Variants in ACADL observed in about 807,000 individuals in gnomAD.
ACADL encodes acyl-CoA dehydrogenase long chain, also known as long-chain specific acyl-CoA dehydrogenase, mitochondrial.
ACADL carries 60 observed loss-of-function variants against 56.9 expected under a neutral mutation model. The ratio of observed to expected loss-of-function variants is 1.05; its 90% CI spans 0.86 to 1.31. The LOEUF (loss-of-function observed/expected upper bound fraction) is 1.31, where lower values mean the gene tolerates loss of function less well. Among genes scored for constraint, ACADL ranks in the 50% most tolerant of loss-of-function variants. The pLI, the probability that ACADL is intolerant of heterozygous loss-of-function variation, is 0.00. For missense variants in ACADL, 484 were observed against 525.5 expected (o/e 0.92, Z 0.77); for synonymous variants, 158 against 179.7 (o/e 0.88, Z 0.97).
Position 210,208,144 on chromosome 2 carries a change from A to G in ACADL, c.603+2052T>C, listed in dbSNP as rs573533642. Among the ~76,000 whole-genome samples the G allele has an allele frequency of 9.7e-4, 148 of 152,340 alleles. 1 individual carries two copies. The highest frequency in any genetic ancestry group is 1.8e-3 in the Non-Finnish European group (122 of 68,036). ...TTTTGTTTGTTTTGCATCACACAGC[A>G]TCCAGGAATTAGTATCTACAGTATG... is the stretch of plus-strand genomic sequence containing the variant. On this transcript the variant is annotated intron_variant, in intron 5 of 10. Transcript: ENST00000233710.
At chr2:210,198,183 A>G (rs1322435662) in intron 8 of ACADL, among the ~76,000 whole-genome samples, 1 of 152,178 alleles carries the variant, frequency 6.6e-6, no homozygotes, top group African/African-American at 2.4e-5. Flanking sequence ...AGTGGGCTGG[A>G]TGGAGTCTTT....
At chr2:210,210,335 A>T (rs1575677720) in intron 4 of ACADL, 73 bp from the exon 5 acceptor site, 1 of 1,156,102 alleles carries the variant, frequency 8.6e-7, no homozygotes. Flanking sequence ...ATAAGTATGT[A>T]TGTAAATTAG....
intron 4 of ACADL, among the ~76,000 whole-genome samples, chr2:210,214,571 C>A (rs1168376296): frequency 6.6e-6 from 1 of 151,904 alleles, no homozygotes; most frequent in Non-Finnish European, 1.5e-5. Context: ...AGGTTTCCTT[C>A]TTAATTATAT....
At chr2:210,204,051 C>T (rs1310104439) in intron 7 of ACADL, among the ~76,000 whole-genome samples, 1 of 152,104 alleles carries the variant, frequency 6.6e-6, no homozygotes, top group Non-Finnish European at 1.5e-5. Context: ...TTCCATCATG[C>T]TGGTGTTTTT....
intron 1 of ACADL, among the ~76,000 whole-genome samples, chr2:210,221,512 G>A (rs1689175477): frequency 6.6e-6 from 1 of 152,074 alleles, no homozygotes; most frequent in Non-Finnish European, 1.5e-5. Context: ...ACATTTTCAA[G>A]TTCACATCTA....
chr2:210,206,399 C>T (rs1428663344), intron 5 of ACADL, among the ~76,000 whole-genome samples: 1 of 151,822 alleles, frequency 6.6e-6, no homozygotes, highest in Non-Finnish European at 1.5e-5. Flanking sequence ...CCACTGCACC[C>T]CAACCTGGGT....
chr2:210,225,096 C>A lies in ACADL; in HGVS notation c.77+91G>T, dbSNP rs1490347423. ...GGAGCACTCCCAGCCGCGCGCGCAC[C>A]GCCCTGCTTCAAGCCAGCGACAGGA... On this transcript the variant is annotated intron_variant, in intron 1 of 10. Transcript: ENST00000233710. 12 of 1,517,074 alleles carry A rather than the reference C, an allele frequency of 7.9e-6. No individual in the cohort carries two copies. The East Asian group carries it at 1.0e-4, about 13-fold the overall frequency. The allele number at this position is 1,517,074 out of a possible 1,614,324, so 94.0% of individuals were successfully genotyped here.
intron 1 of ACADL, chr2:210,224,295 G>C (rs1288079325): frequency 5.7e-6 from 2 of 351,084 alleles, no homozygotes; most frequent in African/African-American, 2.3e-5. Flanking sequence ...AGTTAAGTAT[G>C]TATCCTAAAG....
At chr2:210,194,544 C>G (rs1395433624) in intron 9 of ACADL, among the ~76,000 whole-genome samples, 3 of 152,176 alleles carry the variant, frequency 2.0e-5, no homozygotes, top group African/African-American at 7.2e-5. Flanking sequence ...TTCAACTCAT[C>G]TTTAACACCA....
chr2:210,220,373 A>G (rs1689155347), intron 2 of ACADL, among the ~76,000 whole-genome samples: 1 of 152,160 alleles, frequency 6.6e-6, no homozygotes, highest in African/African-American at 2.4e-5. Context: ...ATTGACTAGT[A>G]TTTTGTTACC....
intron 8 of ACADL, among the ~76,000 whole-genome samples, chr2:210,201,134 T>A (rs1559635227): frequency 6.6e-6 from 1 of 152,156 alleles, no homozygotes; most frequent in Non-Finnish European, 1.5e-5. Context: ...GTTCACACTG[T>A]TTGCAGAGGA....
At chr2:210,207,184 A>C (rs1417483408) in intron 5 of ACADL, among the ~76,000 whole-genome samples, 3 of 152,142 alleles carry the variant, frequency 2.0e-5, no homozygotes, top group Non-Finnish European at 4.4e-5. Context: ...CCTACAACTG[A>C]TCTCTCTACA....
chr2:210,225,382 A>G lies in ACADL; in HGVS notation c.-119T>C. The G allele has an allele frequency of 8.5e-7, 1 of 1,171,378 alleles. No individual in the cohort carries two copies. The highest frequency in any genetic ancestry group is 1.2e-6 in the Non-Finnish European group (1 of 853,592). 72.6% of individuals were successfully genotyped at this position (1,171,378 alleles called of 1,614,324 possible). On this transcript the variant is annotated 5_prime_UTR_variant, in exon 1 of 11. Transcript: ENST00000233710. ...AGGCGTCCACCTGTGGTGTCCTCCC[A>G]AAAAAGCGCTCGCGCGCGCCCTTCC...
At chr2:210,207,691 C>T (rs1688910644) in intron 5 of ACADL, among the ~76,000 whole-genome samples, 1 of 152,080 alleles carries the variant, frequency 6.6e-6, no homozygotes, top group Non-Finnish European at 1.5e-5. Flanking sequence ...GTTGGTTACT[C>T]CCATCACCTA....
chr2:210,222,883 C>T (rs371488241), intron 1 of ACADL, among the ~76,000 whole-genome samples: 2 of 152,092 alleles, frequency 1.3e-5, no homozygotes, highest in East Asian at 1.9e-4. Flanking sequence ...CTTTTTCTTG[C>T]TAGTAGAGAT....
Position 210,195,764 on chromosome 2 carries a change from C to G in ACADL, c.985-426G>C, listed in dbSNP as rs575195693. On this transcript the variant is annotated intron_variant, in intron 8 of 10. Transcript: ENST00000233710. ...TTCTTTATTAATGAAATTAAGTATA[C>G]AGATTTTGCTACTCTGCTTCTAACA... Among the ~76,000 whole-genome samples the G allele has an allele frequency of 3.3e-5, 5 of 152,206 alleles. No individual in the cohort carries two copies. In the South Asian group the frequency reaches 1.0e-3, roughly 32 times the overall value.
intron 3 of ACADL, 110 bp downstream of exon 3, chr2:210,217,855 C>T (rs1281009010): frequency 7.7e-6 from 11 of 1,430,648 alleles, no homozygotes; most frequent in Non-Finnish European, 1.1e-5. Context: ...AATTTTCAAT[C>T]TTCCAAGATT....
chr2:210,205,800 C>G lies in ACADL; in HGVS notation c.604-4G>C. 1.2e-6 allele frequency: 2 copies of G among 1,613,846 alleles called. No homozygotes were observed. Among genetic ancestry groups the G allele is most frequent in the African/African-American group, 2.7e-5 (2 of 75,002 alleles). On this transcript the variant is annotated splice_region_variant and splice_polypyrimidine_tract_variant and intron_variant, in intron 5 of 10. Coordinates refer to ENST00000233710, the MANE Select transcript of ACADL (RefSeq NM_001608.4). ...ATGACCCATTACTGATGAACACCTG[C>G]AAAACCCCAAGTACATTATTAATGC...
chr2:210,224,984 C>T, intron 1 of ACADL: 3 of 1,395,804 alleles, frequency 2.1e-6, no homozygotes, highest in Admixed American at 3.3e-5. Context: ...ACGGCTGACA[C>T]CCCTTTTTCC....
Sources: gnomAD v4.1 joint callset for allele counts (sites outside exome capture counted in the v4.1 genomes callset) on GRCh38, gnomAD v4.1.1 for gene constraint, MANE v1.5 for transcripts, NCBI Gene and HGNC (gene_info 2026-07-23, HGNC 2026-07-21) for gene names.